The following ZNF577 variants were observed in gnomAD, a reference collection of about 807,000 sequenced individuals.
ZNF577 encodes the protein zinc finger protein 577.
A neutral mutation model predicts 13.9 loss-of-function variants in ZNF577; 14 were observed. That is an observed-to-expected ratio of 1.00 (90% CI 0.66 to 1.57). The LOEUF (loss-of-function observed/expected upper bound fraction) is 1.57. Among genes scored for constraint, ZNF577 ranks in the 40% most tolerant of loss-of-function variants. ZNF577 has a pLI of 0.00. For synonymous variants in ZNF577, 203 were observed against 202.9 expected, an observed-to-expected ratio of 1.00 and a Z score of 0.00; for missense variants, 555 against 579.2, an observed-to-expected ratio of 0.96 and a Z score of 0.43.
At chr19:51,856,459 C>G (rs2084421483) in intron 5 of ZNF577, among the ~76,000 whole-genome samples, 1 of 152,206 alleles carries the variant, frequency 6.6e-6, no homozygotes, top group African/African-American at 2.4e-5. Context: ...CAGAGAACAT[C>G]AGGATAATGC....
chr19:51,820,459 C>G (rs1294841023), intron 9 of ZNF577, among the ~76,000 whole-genome samples: 1 of 152,202 alleles, frequency 6.6e-6, no homozygotes, highest in Non-Finnish European at 1.5e-5. Flanking sequence ...ATAATCAGTA[C>G]AGGTATCATC....
intron 6 of ZNF577, among the ~76,000 whole-genome samples, chr19:51,844,066 T>C (rs7254741): frequency 0.07 from 10,633 of 150,860 alleles, 1,093 homozygotes; most frequent in African/African-American, 0.23. Flanking sequence ...TTTTTTTTTT[T>C]TTTTTTACAT....
chr19:51,877,005 T>C (rs943823982), intron 5 of ZNF577, among the ~76,000 whole-genome samples: 1 of 150,470 alleles, frequency 6.6e-6, no homozygotes, highest in East Asian at 2.0e-4. Context: ...GGGGCAAAAG[T>C]CAGGAGCAGG....
chr19:51,873,317 T>C lies in ZNF577; in HGVS notation c.673A>G (p.Arg225Gly). The change falls in exon 6 of 6, where the codon AGA (arginine) becomes GGA (glycine). Residue 225 changes from arginine (R) to glycine (G), a missense_variant. Arg to Gly is a moderately radical substitution (Grantham distance 125, BLOSUM62 -2). Transcript: ENST00000638348. ...TGATGGACCATGAGCTGTGACTTTC[T>C]GGAGAAGGCTTTTCCACATTCACTA... ...ECSECGKAFSRKSQLMVHQRT... is the reference protein window; with the variant it reads ...ECSECGKAFSGKSQLMVHQRT... 3 of 1,614,198 alleles carry C rather than the reference T, an allele frequency of 1.9e-6. No individual in the cohort carries two copies. Among genetic ancestry groups the C allele is most frequent in the Non-Finnish European group, 2.5e-6 (3 of 1,180,022 alleles).
intron 8 of ZNF577, among the ~76,000 whole-genome samples, chr19:51,841,489 G>A (rs2084320439): frequency 6.6e-6 from 1 of 152,126 alleles, no homozygotes; most frequent in Admixed American, 6.5e-5. Context: ...GTGTTGTGGG[G>A]ATCTCTATTT....
At chr19:51,864,800 C>T (rs1045292513), downstream of ZNF577, among the ~76,000 whole-genome samples, 12 of 152,078 alleles carry the variant, frequency 7.9e-5, no homozygotes, top group Non-Finnish European at 1.6e-4. Context: ...TCCATGAAAT[C>T]GAAGAGGTCA....
chr19:51,858,900 C>T (rs188781665), intron 5 of ZNF577, among the ~76,000 whole-genome samples: 6 of 152,268 alleles, frequency 3.9e-5, no homozygotes, highest in African/African-American at 1.2e-4. Flanking sequence ...AAGTTTAGCA[C>T]ATTCACAATA....
chr19:51,872,425 C>G lies in ZNF577; in HGVS notation c.*107G>C. 1.1e-6 allele frequency: 1 copy of G among 941,748 alleles called. No homozygotes were observed. The highest frequency in any genetic ancestry group is 2.7e-5 in the East Asian group (1 of 37,570). The allele number at this position is 941,748 out of a possible 1,614,324, so 58.3% of individuals were successfully genotyped here. ...GTTTGACTTCTCACAGAAATGTCCTCCACAACCACTGCCTCCACAGTGTTT... is the reference window on the plus strand; with the variant it reads ...GTTTGACTTCTCACAGAAATGTCCTGCACAACCACTGCCTCCACAGTGTTT... On this transcript the variant is annotated 3_prime_UTR_variant, in exon 6 of 6. Transcript: ENST00000638348.
chr19:51,816,701 C>T (rs1599838006), intron 9 of ZNF577, among the ~76,000 whole-genome samples: 1 of 152,186 alleles, frequency 6.6e-6, no homozygotes, highest in East Asian at 1.9e-4. Flanking sequence ...CCACATGGGA[C>T]TTGCATTGGT....
chr19:51,826,308 T>A (rs188114320), intron 9 of ZNF577: 1 of 152,378 alleles, frequency 6.6e-6, no homozygotes, highest in African/African-American at 2.4e-5. Flanking sequence ...AGCTTTTACA[T>A]AAAACTTAGT....
chr19:51,861,693 A>C (rs1211691414), intron 5 of ZNF577: 1 of 152,212 alleles, frequency 6.6e-6, no homozygotes, highest in Non-Finnish European at 1.5e-5. Flanking sequence ...TTTCTGAGTA[A>C]AGCTTTTTGA....
chr19:51,821,428 G>A (rs1399198361), intron 9 of ZNF577, among the ~76,000 whole-genome samples: 1 of 152,140 alleles, frequency 6.6e-6, no homozygotes, highest in Non-Finnish European at 1.5e-5. Flanking sequence ...GGTGGATAGA[G>A]GCCAGGGGTG....
Position 51,880,318 on chromosome 19 carries a change from T to C in ZNF577, c.60+5A>G, listed in dbSNP as rs193095967. Reference sequence around the variant, plus strand: ...CTCAAGCTCTCACAGCAATGACAAATTTACCTCCCCTGAAGAACTGCCTTG... The same window carrying C: ...CTCAAGCTCTCACAGCAATGACAAACTTACCTCCCCTGAAGAACTGCCTTG... On this transcript the variant is annotated splice_donor_5th_base_variant and intron_variant, in intron 3 of 5. Coordinates refer to ENST00000638348, the MANE Select transcript of ZNF577 (RefSeq NM_001370449.1). 297 of 1,613,894 alleles carry C rather than the reference T, an allele frequency of 1.8e-4. No individual in the cohort carries two copies. Among genetic ancestry groups the C allele is most frequent in the Admixed American group, 6.0e-4 (36 of 60,014 alleles).
In ZNF577 at chr19:51,824,828, G is replaced by A. The variant is rs752600199; in HGVS notation, c.*600-13154C>T. On this transcript the variant is annotated intron_variant and NMD_transcript_variant, in intron 9 of 10. Transcript: ENST00000638827. This position sits in a 1 kb window ranked among gnomAD's most constrained non-coding sequence, Gnocchi z 4.7. ...CAATGTGAGGTCGGGGATATTTTTG[G>A]GCTCTGTCTCTTTCTACCCTGCGTT... is the stretch of plus-strand genomic sequence containing the variant. 6.3e-7 allele frequency: 1 copy of A among 1,584,462 alleles called. No individual in the cohort carries two copies. The highest frequency in any genetic ancestry group is 8.6e-7 in the Non-Finnish European group (1 of 1,163,634).
At chr19:51,845,216 C>T (rs747482880) in intron 5 of ZNF577, among the ~76,000 whole-genome samples, 7 of 152,000 alleles carry the variant, frequency 4.6e-5, no homozygotes, top group East Asian at 1.9e-4. Context: ...AATACTTGGC[C>T]GGGCACGGTG....
intron 1 of ZNF577, among the ~76,000 whole-genome samples, chr19:51,882,641 A>C (rs1170933937): frequency 6.6e-6 from 1 of 152,042 alleles, no homozygotes; most frequent in Non-Finnish European, 1.5e-5. Context: ...AAAATTTGCC[A>C]GGCATGGTGG....
chr19:51,878,554 A>G (rs1171433282), intron 3 of ZNF577, 39 bp from the exon 4 acceptor site: 2 of 1,610,938 alleles, frequency 1.2e-6, no homozygotes, highest in South Asian at 2.2e-5. Context: ...GGTGGATAAC[A>G]ATAGATGATG....
chr19:51,824,961 C>T lies in ZNF577; in HGVS notation c.*600-13287G>A. ...GTACCAAATCTGTAGGGGGTTTTTCCCACAACCAAGCAATAGACACCAGCT... is the reference window on the plus strand; with the variant it reads ...GTACCAAATCTGTAGGGGGTTTTTCTCACAACCAAGCAATAGACACCAGCT... On this transcript the variant is annotated intron_variant and NMD_transcript_variant, in intron 9 of 10. Coordinates refer to the ZNF577 transcript ENST00000638827. The surrounding 1 kb of genome is among the most constrained non-coding windows in gnomAD (Gnocchi z 4.7). The T allele has an allele frequency of 1.5e-6, 1 of 649,132 alleles. No individual in the cohort carries two copies. The highest frequency in any genetic ancestry group is 2.7e-6 in the Non-Finnish European group (1 of 371,362). The allele number at this position is 649,132 out of a possible 1,614,324, so 40.2% of individuals were successfully genotyped here. A position where few individuals can be genotyped will look rare whatever the true frequency, so the allele number is the denominator to read the frequency against.
chr19:51,825,212 G>A (rs575242737), intron 9 of ZNF577: 1 of 188,650 alleles, frequency 5.3e-6, no homozygotes, highest in South Asian at 1.6e-4. Context: ...CGGCTTGCTG[G>A]TTTATTATAA....
Sources: gnomAD v4.1 joint callset for allele counts (sites outside exome capture counted in the v4.1 genomes callset) on GRCh38, gnomAD v4.1.1 for gene constraint, Gnocchi (gnomAD v3.1) non-coding constraint, MANE v1.5 for transcripts, NCBI Gene and HGNC (gene_info 2026-07-23, HGNC 2026-07-21) for gene names.